The following ROBO2 variants were observed in gnomAD, a reference collection of about 807,000 sequenced individuals.
ROBO2 encodes roundabout homolog 2.
Under a neutral mutation model 160.8 loss-of-function variants are expected in ROBO2, and 53 were observed. The ratio of observed to expected loss-of-function variants is 0.33; its 90% confidence interval spans 0.26 to 0.41. The LOEUF is 0.41. ROBO2 is among the 10% of genes least tolerant of loss of function. The pLI, the probability that ROBO2 is intolerant of heterozygous loss-of-function variation, is 1.00. For missense variants in ROBO2, 1,577 were observed against 1,722.4 expected, an observed-to-expected ratio of 0.92 and a Z score of 1.49; for synonymous variants, 664 against 611.7, an observed-to-expected ratio of 1.09 and a Z score of -1.26.
chr3:76,321,619 C>T (rs1213722579), intron 2 of ROBO2, among the ~76,000 whole-genome samples: 1 of 152,152 alleles, frequency 6.6e-6, no homozygotes, highest in Non-Finnish European at 1.5e-5. Context: ...AGGCATTCAA[C>T]CCAGGTAAAC....
chr3:77,559,413 C>G (rs766289789), intron 9 of ROBO2, among the ~76,000 whole-genome samples: 1 of 152,030 alleles, frequency 6.6e-6, no homozygotes, highest in Non-Finnish European at 1.5e-5. Context: ...TATGTGAAAG[C>G]TGGAGAGTAT....
chr3:75,911,929 GGCT>G (rs1485745082), intron 1 of ROBO2, among the ~76,000 whole-genome samples: 1 of 152,124 alleles, frequency 6.6e-6, no homozygotes, highest in Admixed American at 6.5e-5. Context: ...ACATTAAAAA[GGCT>G]GGATATTTGT....
At chr3:76,444,434 G>T (rs931172074) in intron 2 of ROBO2, among the ~76,000 whole-genome samples, 1 of 152,054 alleles carries the variant, frequency 6.6e-6, no homozygotes, top group African/African-American at 2.4e-5. Context: ...AGCTGCCCAA[G>T]ACTGAGTAAT....
At chr3:77,535,473 T>C (rs1424961444) in intron 6 of ROBO2, among the ~76,000 whole-genome samples, 1 of 152,160 alleles carries the variant, frequency 6.6e-6, no homozygotes, top group Admixed American at 6.6e-5. Context: ...AATTTAGGAA[T>C]TTAGGATCTT....
chr3:76,432,232 G>A (rs2076468884), intron 2 of ROBO2, among the ~76,000 whole-genome samples: 1 of 152,104 alleles, frequency 6.6e-6, no homozygotes, highest in Non-Finnish European at 1.5e-5. Flanking sequence ...GTGTTTTATG[G>A]TCTCAAAAGT....
intron 2 of ROBO2, among the ~76,000 whole-genome samples, chr3:76,467,250 T>A (rs534618573): frequency 6.6e-6 from 1 of 152,120 alleles, no homozygotes; most frequent in African/African-American, 2.4e-5. Flanking sequence ...AGCCATTTTT[T>A]ATTTCTAATT....
chr3:76,687,810 A>G (rs1252977315), intron 2 of ROBO2, among the ~76,000 whole-genome samples: 1 of 152,050 alleles, frequency 6.6e-6, no homozygotes, highest in Non-Finnish European at 1.5e-5. Context: ...TGTCAAATCA[A>G]TACCAGATAA....
At chr3:76,214,086 G>C (rs1703333024) in intron 2 of ROBO2, among the ~76,000 whole-genome samples, 1 of 152,076 alleles carries the variant, frequency 6.6e-6, no homozygotes, top group South Asian at 2.1e-4. Context: ...CAAGTTGACA[G>C]ATAACATTAA....
At chr3:77,579,070 A>G (rs1313746324) in intron 15 of ROBO2, among the ~76,000 whole-genome samples, 1 of 152,094 alleles carries the variant, frequency 6.6e-6, no homozygotes, top group Non-Finnish European at 1.5e-5. Flanking sequence ...AATTCTGGGA[A>G]CTTACCTGCT....
At chr3:75,911,094 C>T (rs1388132246) in intron 1 of ROBO2, among the ~76,000 whole-genome samples, 1 of 151,764 alleles carries the variant, frequency 6.6e-6, no homozygotes, top group East Asian at 1.9e-4. Flanking sequence ...GAGCTAACAG[C>T]TTAGTGTGAT....
intron 2 of ROBO2, among the ~76,000 whole-genome samples, chr3:76,108,433 T>C (rs28736892): frequency 0.22 from 33,224 of 151,952 alleles, 4,522 homozygotes; most frequent in African/African-American, 0.38. Context: ...ATAAATTACA[T>C]TGAATATCAT....
intron 2 of ROBO2, among the ~76,000 whole-genome samples, chr3:77,448,058 T>A (rs546209682): frequency 3.9e-5 from 6 of 152,300 alleles, no homozygotes; most frequent in Admixed American, 1.3e-4. Flanking sequence ...GTTTTTGCGA[T>A]GTGACATTGC....
In ROBO2 at chr3:77,623,651, C is replaced by T. The variant is rs144255763; in HGVS notation, c.3760+1219C>T. ...CTGTGATTTGAAATCCAGATCCAAC[C>T]GAAGGTGACAGAGCACAAGTTAAAA... On this transcript the variant is annotated intron_variant, in intron 23 of 25. Transcript: ENST00000461745. Among the ~76,000 whole-genome samples, 108 of 152,238 alleles carry T rather than the reference C, an allele frequency of 7.1e-4. 1 individual carries two copies. In the East Asian group the frequency reaches 0.014, roughly 20 times the overall value.
intron 2 of ROBO2, among the ~76,000 whole-genome samples, chr3:75,959,690 G>C (rs900884290): frequency 1.3e-5 from 2 of 151,482 alleles, no homozygotes; most frequent in South Asian, 4.1e-4. Flanking sequence ...TAGAAAGCTA[G>C]GTTTTTATTT....
At chr3:77,548,781 A>T (rs1237925302) in intron 7 of ROBO2, among the ~76,000 whole-genome samples, 5 of 151,370 alleles carry the variant, frequency 3.3e-5, no homozygotes, top group Non-Finnish European at 5.9e-5. Flanking sequence ...ATAGAGAGGG[A>T]TGTGGTGGGA....
intron 2 of ROBO2, among the ~76,000 whole-genome samples, chr3:77,230,050 G>A (rs2151277027): frequency 6.6e-6 from 1 of 152,018 alleles, no homozygotes; most frequent in East Asian, 1.9e-4. Flanking sequence ...ATTGGGAAGT[G>A]TATCTTTTAC....
intron 2 of ROBO2, among the ~76,000 whole-genome samples, chr3:76,249,459 G>A (rs1705847125): frequency 6.6e-6 from 1 of 151,334 alleles, no homozygotes; most frequent in Non-Finnish European, 1.5e-5. Flanking sequence ...ACCCAGGTGA[G>A]CCAGATTCTA....
chr3:77,273,121 C>T (rs1011321945), intron 2 of ROBO2, among the ~76,000 whole-genome samples: 3 of 152,052 alleles, frequency 2.0e-5, no homozygotes, highest in East Asian at 1.9e-4. Context: ...CTTTTTCCCC[C>T]GTCTAGTAGC....
chr3:77,062,655 T>C (rs1309598218), intron 1 of ROBO2, among the ~76,000 whole-genome samples: 1 of 152,168 alleles, frequency 6.6e-6, no homozygotes, highest in East Asian at 1.9e-4. Flanking sequence ...TTTTAAAAAG[T>C]TTATCTGGGC....
Sources: allele counts gnomAD v4.1 joint callset (sites outside exome capture counted in the v4.1 genomes callset), GRCh38; gene constraint gnomAD v4.1.1; transcripts MANE v1.5; gene names NCBI Gene and HGNC (gene_info 2026-07-23, HGNC 2026-07-21).